SIPA1L2: variants seen among roughly 807,000 people sequenced by gnomAD.
The protein encoded by SIPA1L2 is signal induced proliferation associated 1 like 2, also known as signal-induced proliferation-associated 1-like protein 2.
SIPA1L2 carries 56 observed loss-of-function variants against 163.9 expected under a neutral mutation model. The ratio of observed to expected loss-of-function variants is 0.34; its 90% CI spans 0.28 to 0.43. The LOEUF (loss-of-function observed/expected upper bound fraction) is 0.43. SIPA1L2 is among the 20% of genes least tolerant of loss of function. SIPA1L2 has a pLI of 1.00. For synonymous variants in SIPA1L2, 877 were observed against 865.7 expected, an observed-to-expected ratio of 1.01 and a Z score of -0.23; for missense variants, 1,974 against 2,193.5, an observed-to-expected ratio of 0.90 and a Z score of 2.00.
intron 1 of SIPA1L2, among the ~76,000 whole-genome samples, chr1:232,616,463 C>T (rs1573180679): frequency 6.6e-6 from 1 of 152,174 alleles, no homozygotes; most frequent in South Asian, 2.1e-4. Context: ...CTGGGCCAGC[C>T]CTTTAGGTGA....
At chr1:232,513,787 C>T (rs1044082335) in intron 3 of SIPA1L2, 70 bp downstream of exon 3, 1 of 1,485,638 alleles carries the variant, frequency 6.7e-7, no homozygotes, top group Admixed American at 2.3e-5. Flanking sequence ...CAACACAAAG[C>T]AAAACATTGT....
chr1:232,479,760 G>T, intron 6 of SIPA1L2, 30 bp from the exon 7 acceptor site: 1 of 1,581,398 alleles, frequency 6.3e-7, no homozygotes. Flanking sequence ...ACAGAAGCAA[G>T]GTAAGCTGCT....
chr1:232,596,586 A>G (rs1461592482), intron 1 of SIPA1L2, among the ~76,000 whole-genome samples: 1 of 152,214 alleles, frequency 6.6e-6, no homozygotes, highest in East Asian at 1.9e-4. Flanking sequence ...TCATTTTGTC[A>G]ATAAATATAT....
At chr1:232,417,505 G>T (rs1008529831) in intron 18 of SIPA1L2, among the ~76,000 whole-genome samples, 3 of 152,120 alleles carry the variant, frequency 2.0e-5, no homozygotes, top group African/African-American at 7.2e-5. Flanking sequence ...CAGCAGAGGA[G>T]GGAAGCAGCA....
chr1:232,546,493 A>G (rs1658039602), intron 2 of SIPA1L2, among the ~76,000 whole-genome samples: 1 of 152,196 alleles, frequency 6.6e-6, no homozygotes, highest in Non-Finnish European at 1.5e-5. Flanking sequence ...ATGGCACTAA[A>G]TGATGGCATA....
intron 1 of SIPA1L2, among the ~76,000 whole-genome samples, chr1:232,584,738 A>G (rs1234810435): frequency 6.6e-6 from 1 of 152,194 alleles, no homozygotes; most frequent in Non-Finnish European, 1.5e-5. Flanking sequence ...AACTTCTTAA[A>G]TCATACTTAA....
chr1:232,532,111 G>A (rs1657002514), intron 2 of SIPA1L2, among the ~76,000 whole-genome samples: 1 of 152,168 alleles, frequency 6.6e-6, no homozygotes, highest in Non-Finnish European at 1.5e-5. Context: ...TGGGAAGGAT[G>A]GAGGTAAGGC....
intron 1 of SIPA1L2, among the ~76,000 whole-genome samples, chr1:232,625,584 T>TG (rs1447812333): frequency 3.9e-5 from 6 of 152,148 alleles, no homozygotes; most frequent in Non-Finnish European, 7.4e-5. Context: ...AATGCAAACT[T>TG]GGACTACATC....
chr1:232,401,198 G>A (rs563571311), intron 22 of SIPA1L2, among the ~76,000 whole-genome samples: 8 of 152,232 alleles, frequency 5.3e-5, no homozygotes, highest in Admixed American at 2.6e-4. Context: ...CTTGCAGCTG[G>A]AGATAGGGTG....
rs796642962 is a variant in SIPA1L2, at chr1:232,572,718, C to T, written c.-270+1456G>A. 4.3e-3 allele frequency among the ~76,000 whole-genome samples: 273 copies of T among 62,994 alleles called. 5 individuals are homozygous for T. The highest frequency in any genetic ancestry group is 8.5e-3 in the African/African-American group (160 of 18,886). 41.3% of individuals were successfully genotyped at this position (62,994 alleles called of 152,430 possible). On this transcript the variant is annotated intron_variant, in intron 2 of 22. Transcript: ENST00000674635. ...ACATATATATATATATATATATATACACACATATATACATACATACATATA... is the reference window on the plus strand; with the variant it reads ...ACATATATATATATATATATATATATACACATATATACATACATACATATA...
rs1478809407 is a variant in SIPA1L2 at position 232,402,367 on chromosome 1, T to G, written c.5022+25A>C. The G allele has an allele frequency of 3.7e-6, 6 of 1,602,324 alleles. No homozygotes were observed. In the Admixed American group the frequency reaches 1.0e-4, roughly 27 times the overall value. ...GCTGATTTTATAAGAGAAACAGTTCTGATTATGCTCTTCCAATTGATTACC... is the reference window on the plus strand; with the variant it reads ...GCTGATTTTATAAGAGAAACAGTTCGGATTATGCTCTTCCAATTGATTACC... On this transcript the variant is annotated intron_variant, in intron 22 of 22. Coordinates refer to ENST00000674635, the MANE Select transcript of SIPA1L2 (RefSeq NM_020808.5).
intron 2 of SIPA1L2, among the ~76,000 whole-genome samples, chr1:232,557,623 TCTCA>T (rs1658788944): frequency 6.6e-6 from 1 of 152,210 alleles, no homozygotes; most frequent in African/African-American, 2.4e-5. Flanking sequence ...TTCCATGTGT[TCTCA>T]CTGTCTCTGG....
intron 22 of SIPA1L2, among the ~76,000 whole-genome samples, chr1:232,400,158 T>G (rs528291825): frequency 9.2e-5 from 14 of 152,158 alleles, no homozygotes; most frequent in Admixed American, 3.3e-4. Flanking sequence ...ACCACTCACT[T>G]TGCTGTAAGG....
At chr1:232,555,529 A>G (rs2102730298) in intron 2 of SIPA1L2, among the ~76,000 whole-genome samples, 1 of 152,230 alleles carries the variant, frequency 6.6e-6, no homozygotes, top group East Asian at 1.9e-4. Context: ...TCACTGAAGT[A>G]TCACCAAGTC....
chr1:232,512,423 A>G (rs1443721651), intron 3 of SIPA1L2, among the ~76,000 whole-genome samples: 1 of 152,198 alleles, frequency 6.6e-6, no homozygotes, highest in Non-Finnish European at 1.5e-5. Flanking sequence ...ATGCACACAT[A>G]TGTTTATTGC....
intron 16 of SIPA1L2, among the ~76,000 whole-genome samples, chr1:232,430,352 C>A (rs1331332401): frequency 6.6e-6 from 1 of 152,242 alleles, no homozygotes; most frequent in Non-Finnish European, 1.5e-5. Context: ...TGAGACAGAA[C>A]TGCTCATTCG....
intron 3 of SIPA1L2, among the ~76,000 whole-genome samples, chr1:232,504,039 A>C (rs1666605526): frequency 6.6e-6 from 1 of 152,100 alleles, no homozygotes; most frequent in Non-Finnish European, 1.5e-5. Flanking sequence ...ATAAACCTAA[A>C]AAATACTAAT....
intron 2 of SIPA1L2, among the ~76,000 whole-genome samples, chr1:232,549,084 C>G (rs975404570): frequency 6.6e-6 from 1 of 152,140 alleles, no homozygotes; most frequent in Admixed American, 6.5e-5. Flanking sequence ...ATTTGCACAC[C>G]AAAAGGGACA....
chr1:232,489,124 T>C (rs929188373), intron 5 of SIPA1L2, among the ~76,000 whole-genome samples: 1 of 152,168 alleles, frequency 6.6e-6, no homozygotes, highest in African/African-American at 2.4e-5. Flanking sequence ...GAGAGCTTCA[T>C]CCACCAGGCA....
Sources: allele counts gnomAD v4.1 joint callset (sites outside exome capture counted in the v4.1 genomes callset), GRCh38; gene constraint gnomAD v4.1.1; transcripts MANE v1.5; gene names NCBI Gene and HGNC (gene_info 2026-07-23, HGNC 2026-07-21).